NT5C1B: variants seen among roughly 807,000 people sequenced by gnomAD.
NT5C1B encodes cytosolic 5'-nucleotidase 1B.
NT5C1B carries 44 observed loss-of-function variants against 57.8 expected under a neutral mutation model. The observed-to-expected ratio is 0.76, with a 90% CI of 0.60 to 0.98. The LOEUF is 0.98. Ranked by LOEUF, NT5C1B falls within the 50% of genes least tolerant of loss-of-function variation. NT5C1B has a pLI of 0.00. For synonymous variants in NT5C1B, 284 were observed against 282.6 expected (o/e 1.00, Z -0.05); for missense variants, 742 against 719.5 (o/e 1.03, Z -0.36).
chr2:18,583,536 T>A, intron 5 of NT5C1B: 1 of 286,192 alleles, frequency 3.5e-6, no homozygotes, highest in East Asian at 8.5e-5. Context: ...ACCAACAACT[T>A]GTAGAGGTGT....
chr2:18,582,149 C>G (rs926987478), intron 6 of NT5C1B, among the ~76,000 whole-genome samples: 1 of 152,010 alleles, frequency 6.6e-6, no homozygotes, highest in Admixed American at 6.6e-5. Context: ...TTTTAAAAGG[C>G]AAAAAAATTT....
chr2:18,576,450 C>A (rs1665687048), intron 7 of NT5C1B, 82 bp from the exon 8 acceptor site: 23 of 1,487,702 alleles, frequency 1.5e-5, no homozygotes, highest in Non-Finnish European at 1.9e-5. Flanking sequence ...CAAATTCTCC[C>A]AGACCTTATG....
chr2:18,576,055 G>T, intron 8 of NT5C1B, 129 bp downstream of exon 8: 1 of 980,732 alleles, frequency 1.0e-6, no homozygotes, highest in Non-Finnish European at 1.4e-6. Flanking sequence ...AAGCTCCAAA[G>T]ATAAGACAGT....
chr2:18,576,838 T>A, exon 7 of NT5C1B: 1 of 1,613,932 alleles, frequency 6.2e-7, no homozygotes, highest in Non-Finnish European at 8.5e-7. Context: ...AAGATATGCC[T>A]TCAAATAGCC....
intron 8 of NT5C1B, among the ~76,000 whole-genome samples, chr2:18,565,039 T>C (rs1015863212): frequency 3.3e-5 from 5 of 152,202 alleles, no homozygotes; most frequent in Admixed American, 3.3e-4. Flanking sequence ...TTCTCCACCA[T>C]CTAATTTTAG....
At chr2:18,565,746 TC>T (rs1664586229) in intron 8 of NT5C1B, among the ~76,000 whole-genome samples, 1 of 152,148 alleles carries the variant, frequency 6.6e-6, no homozygotes, top group South Asian at 2.1e-4. Context: ...TATATAAACA[TC>T]TTTGATAATT....
exon 9 of NT5C1B, chr2:18,563,831 C>A: frequency 6.3e-7 from 1 of 1,587,544 alleles, no homozygotes; most frequent in South Asian, 1.1e-5. Flanking sequence ...CCATAAGCTG[C>A]GATGGAACCT....
At position 18,583,008 on chromosome 2, in the gene NT5C1B, C is replaced by T. The variant is rs1251019068; in HGVS notation, c.892-11G>A. 1.9e-6 allele frequency: 3 copies of T among 1,611,536 alleles called. No individual in the cohort carries two copies. The highest frequency in any genetic ancestry group is 2.5e-6 in the Non-Finnish European group (3 of 1,178,758). On this transcript the variant is annotated splice_polypyrimidine_tract_variant and intron_variant, in intron 5 of 8. Coordinates refer to ENST00000304081, the Ensembl canonical transcript of NT5C1B. ...GACATACTGTAGTGCCTGCAGGTTA[C>T]AAACATGAATGTGTGTAAAGAGGGG...
chr2:18,567,756 A>G (rs905030169), intron 8 of NT5C1B, among the ~76,000 whole-genome samples: 2 of 152,244 alleles, frequency 1.3e-5, no homozygotes, highest in African/African-American at 4.8e-5. Flanking sequence ...ATCTACTTTT[A>G]GGAGAAATTA....
At chr2:18,586,143 G>A (rs1199712067) in intron 3 of NT5C1B, 111 bp downstream of exon 3, 3 of 1,471,950 alleles carry the variant, frequency 2.0e-6, no homozygotes, top group Non-Finnish European at 2.7e-6. Context: ...GGCTAAATTA[G>A]CTAACACATG....
At chr2:18,569,108 G>A (rs1664917981) in intron 8 of NT5C1B, among the ~76,000 whole-genome samples, 1 of 152,212 alleles carries the variant, frequency 6.6e-6, no homozygotes, top group South Asian at 2.1e-4. Context: ...ATGAGAGGCA[G>A]AGTTTGGCAG....
intron 2 of NT5C1B, chr2:18,587,049 A>G (rs1316638373): frequency 6.2e-7 from 1 of 1,614,096 alleles, no homozygotes; most frequent in Non-Finnish European, 8.5e-7. Context: ...GTGAATATAA[A>G]TACGTATTGT....
exon 9 of NT5C1B, chr2:18,562,903 A>G (rs1664296876): frequency 1.3e-5 from 2 of 152,212 alleles, no homozygotes. Flanking sequence ...TTGATAAGAA[A>G]ATGAAGTAAC....
chr2:18,577,776 G>T (rs1291237654), intron 6 of NT5C1B, among the ~76,000 whole-genome samples: 1 of 151,348 alleles, frequency 6.6e-6, no homozygotes, highest in East Asian at 1.9e-4. Flanking sequence ...TGAACTGAAT[G>T]AAATTGAGAT....
chr2:18,585,202 C>T (rs1210899794), intron 3 of NT5C1B: 3 of 778,584 alleles, frequency 3.9e-6, no homozygotes, highest in African/African-American at 1.7e-5. Flanking sequence ...CCTAGCTTCC[C>T]CATAAGCATT....
chr2:18,584,393 G>C lies in NT5C1B; in HGVS notation c.723+121C>G, dbSNP rs932435502. On this transcript the variant is annotated intron_variant, in intron 4 of 8. Coordinates refer to ENST00000304081, the Ensembl canonical transcript of NT5C1B. This position sits in a 1 kb window ranked among gnomAD's most constrained non-coding sequence, Gnocchi z 5.8. ...GGGATGCTGGAGACAGCTGAGGCTG[G>C]GACTCCCCGAAGTTTGGGGAGGAGA... 77 of 1,525,860 alleles carry C rather than the reference G, an allele frequency of 5.0e-5. 1 individual carries two copies. The highest frequency in any genetic ancestry group is 6.4e-5 in the Non-Finnish European group (73 of 1,136,792). 94.5% of individuals were successfully genotyped at this position (1,525,860 alleles called of 1,614,324 possible).
exon 7 of NT5C1B, chr2:18,576,809 C>T (rs746853988): frequency 6.2e-7 from 1 of 1,613,834 alleles, no homozygotes; most frequent in Non-Finnish European, 8.5e-7. Flanking sequence ...TCAGAATCTG[C>T]AGCAATATAC....
In NT5C1B at chr2:18,566,365, C is replaced by T. The variant is rs373676546; in HGVS notation, c.1330-2246G>A. Among the ~76,000 whole-genome samples, 20 of 152,246 alleles carry T rather than the reference C, an allele frequency of 1.3e-4. No individual in the cohort carries two copies. The East Asian group carries it at 3.5e-3, about 26-fold the overall frequency. On this transcript the variant is annotated intron_variant, in intron 8 of 8. Coordinates refer to ENST00000304081, the Ensembl canonical transcript of NT5C1B. ...AACAAACAGTTTTCTGTAAACATGA[C>T]TTATTGTGTAACCATTTGCTTAAAT...
At chr2:18,578,156 G>C (rs999596521) in intron 6 of NT5C1B, among the ~76,000 whole-genome samples, 1 of 152,064 alleles carries the variant, frequency 6.6e-6, no homozygotes, top group Non-Finnish European at 1.5e-5. Context: ...AAACAGCCCT[G>C]GACCAGATGG....
Sources: gnomAD v4.1 joint callset for allele counts (sites outside exome capture counted in the v4.1 genomes callset) on GRCh38, gnomAD v4.1.1 for gene constraint, Gnocchi (gnomAD v3.1) non-coding constraint, MANE v1.5 for transcripts, NCBI Gene and HGNC (gene_info 2026-07-23, HGNC 2026-07-21) for gene names.